The following LARP4B variants were observed in gnomAD, a reference collection of about 807,000 sequenced individuals.
LARP4B encodes la-related protein 4B.
Under a neutral mutation model 89.8 loss-of-function variants are expected in LARP4B, and 12 were observed. That is an observed-to-expected ratio of 0.13 (90% CI 0.09 to 0.22). The LOEUF (loss-of-function observed/expected upper bound fraction) is 0.22, where lower values mean the gene tolerates loss of function less well. LARP4B is among the 10% of genes least tolerant of loss of function. LARP4B has a pLI of 1.00. For synonymous variants in LARP4B, 367 were observed against 363.3 expected (o/e 1.01, Z -0.12); for missense variants, 757 against 947.7 (o/e 0.80, Z 2.64).
At chr10:877,238 G>A (rs1224398549) in intron 3 of LARP4B, among the ~76,000 whole-genome samples, 1 of 152,144 alleles carries the variant, frequency 6.6e-6, no homozygotes, top group Non-Finnish European at 1.5e-5. Context: ...AAAGTTAGCT[G>A]GGTGTGGGGG....
At position 822,879 on chromosome 10, in the gene LARP4B, C is replaced by G. The variant is rs1415624053; in HGVS notation, c.1485-2034G>C. Among the ~76,000 whole-genome samples the G allele has an allele frequency of 3.3e-5, 5 of 152,226 alleles. No individual in the cohort carries two copies. The highest frequency in any genetic ancestry group is 3.3e-4 in the Admixed American group (5 of 15,280). ...GCCGTGCCCTGCCATGGCCGCCATG[C>G]AAGGGTAGGGACATGTGTCTGGACT... On this transcript the variant is annotated intron_variant, in intron 13 of 17. Transcript: ENST00000316157. The surrounding 1 kb of genome is among the most constrained non-coding windows in gnomAD (Gnocchi z 4.6).
chr10:984,816 C>A, the LARP4B span, among the ~76,000 whole-genome samples: 2 of 152,144 alleles, frequency 1.3e-5, no homozygotes, highest in Admixed American at 6.5e-5. Flanking sequence ...CCCAGCTACT[C>A]GGGAGGCTGA....
At chr10:958,668 A>G in the LARP4B span, among the ~76,000 whole-genome samples, 4 of 152,220 alleles carry the variant, frequency 2.6e-5, no homozygotes, top group African/African-American at 9.7e-5. Context: ...TCATAGCTCC[A>G]CAGTCACCTG....
chr10:893,139 C>T (rs1402210857), intron 1 of LARP4B, among the ~76,000 whole-genome samples: 1 of 150,280 alleles, frequency 6.7e-6, no homozygotes, highest in Non-Finnish European at 1.5e-5. Flanking sequence ...GTCTTGAAGT[C>T]CTGACCTCAT....
chr10:912,107 G>A (rs987874436), intron 1 of LARP4B, among the ~76,000 whole-genome samples: 1 of 152,146 alleles, frequency 6.6e-6, no homozygotes, highest in Non-Finnish European at 1.5e-5. Flanking sequence ...CTGCGTGGCA[G>A]GTGTTATGGC....
chr10:845,588 G>A (rs1361770796), intron 5 of LARP4B, among the ~76,000 whole-genome samples: 2 of 152,180 alleles, frequency 1.3e-5, no homozygotes, highest in Non-Finnish European at 2.9e-5. Context: ...ATTCCTGTAA[G>A]AGAATGATAA....
At chr10:964,617 G>A in the LARP4B span, among the ~76,000 whole-genome samples, 5 of 152,162 alleles carry the variant, frequency 3.3e-5, no homozygotes, top group Non-Finnish European at 7.3e-5. Flanking sequence ...CAGAGGCCAC[G>A]TCGATGTTAA....
chr10:843,610 A>G (rs750155550), intron 6 of LARP4B, among the ~76,000 whole-genome samples: 2 of 152,150 alleles, frequency 1.3e-5, no homozygotes, highest in Non-Finnish European at 2.9e-5. Flanking sequence ...CAGGCAGGAG[A>G]ATCGCTTGAA....
the LARP4B span, among the ~76,000 whole-genome samples, chr10:949,434 C>A: frequency 6.6e-6 from 1 of 152,102 alleles, no homozygotes; most frequent in Non-Finnish European, 1.5e-5. Flanking sequence ...CATCTTACAT[C>A]CCACCAGTCC....
intron 3 of LARP4B, among the ~76,000 whole-genome samples, chr10:868,494 A>ACC (rs1274732624): frequency 6.6e-6 from 1 of 152,098 alleles, no homozygotes; most frequent in Non-Finnish European, 1.5e-5. Context: ...GTTTGGGAAT[A>ACC]CCTCATAATG....
intron 1 of LARP4B, among the ~76,000 whole-genome samples, chr10:919,047 C>T (rs1836908987): frequency 1.3e-5 from 2 of 152,144 alleles, no homozygotes; most frequent in Admixed American, 6.6e-5. Context: ...AGCCACTGCA[C>T]TCCAGCCTGG....
intron 3 of LARP4B, among the ~76,000 whole-genome samples, chr10:875,214 A>G (rs546957938): frequency 6.6e-6 from 1 of 152,346 alleles, no homozygotes; most frequent in East Asian, 1.9e-4. Context: ...TTTGAGTCTC[A>G]GCTCCATTTT....
intron 1 of LARP4B, among the ~76,000 whole-genome samples, chr10:898,061 G>A (rs1428237653): frequency 6.7e-6 from 1 of 149,572 alleles, no homozygotes; most frequent in Non-Finnish European, 1.5e-5. Context: ...ATATACAAAT[G>A]GCCACCAAGC....
At chr10:848,947 C>G (rs1473970237) in intron 5 of LARP4B, among the ~76,000 whole-genome samples, 2 of 152,070 alleles carry the variant, frequency 1.3e-5, no homozygotes, top group African/African-American at 2.4e-5. Context: ...AAAATAAAAA[C>G]ATATATTGTC....
In LARP4B at chr10:890,431, T is replaced by C. The variant is rs143741440; in HGVS notation, c.-39-4671A>G. On this transcript the variant is annotated intron_variant, in intron 1 of 17. Coordinates refer to ENST00000316157, the MANE Select transcript of LARP4B (RefSeq NM_015155.3). ...CTTTAACAGATATATTTCATTTTAA[T>C]GTATATGTATCTTCTTTTTATGTCT... Among the ~76,000 whole-genome samples the C allele has an allele frequency of 3.1e-3, 469 of 152,350 alleles. 2 individuals carry two copies. Among genetic ancestry groups the C allele is most frequent in the African/African-American group, 0.01 (430 of 41,578 alleles).
At chr10:899,293 C>T (rs1405454280) in intron 1 of LARP4B, among the ~76,000 whole-genome samples, 3 of 152,168 alleles carry the variant, frequency 2.0e-5, no homozygotes, top group Non-Finnish European at 4.4e-5. Flanking sequence ...TTAGAACAGA[C>T]ATTTCCCATG....
At chr10:815,787 T>C (rs932008497) in intron 15 of LARP4B, 1 of 152,240 alleles carries the variant, frequency 6.6e-6, no homozygotes, top group African/African-American at 2.4e-5. Flanking sequence ...TCTTTACACT[T>C]CTGCCCTTAG....
intron 1 of LARP4B, among the ~76,000 whole-genome samples, chr10:887,789 C>G (rs540249496): frequency 6.6e-6 from 1 of 151,922 alleles, no homozygotes; most frequent in Non-Finnish European, 1.5e-5. Flanking sequence ...TCTGGGAGGC[C>G]GAGGAGGGCA....
chr10:911,093 C>T (rs1245071972), intron 1 of LARP4B, among the ~76,000 whole-genome samples: 1 of 152,220 alleles, frequency 6.6e-6, no homozygotes, highest in Non-Finnish European at 1.5e-5. Flanking sequence ...GGGGCACTCT[C>T]TTACATTTAG....
Sources: allele counts gnomAD v4.1 joint callset (sites outside exome capture counted in the v4.1 genomes callset), GRCh38; gene constraint gnomAD v4.1.1; non-coding constraint Gnocchi (gnomAD v3.1); transcripts MANE v1.5; gene names NCBI Gene and HGNC (gene_info 2026-07-23, HGNC 2026-07-21).